Variants in SNTG1 observed in about 807,000 individuals in gnomAD.
SNTG1 encodes gamma-1-syntrophin.
A neutral mutation model predicts 74.7 loss-of-function variants in SNTG1; 39 were observed. That is an observed-to-expected ratio of 0.52 (90% CI 0.40 to 0.68). The LOEUF (loss-of-function observed/expected upper bound fraction) is 0.68, where lower values mean the gene tolerates loss of function less well. Among genes scored for constraint, SNTG1 ranks in the 30% least tolerant of loss-of-function variants. The pLI, the probability that SNTG1 is intolerant of heterozygous loss-of-function variation, is 0.00. For missense variants in SNTG1, 685 were observed against 609.5 expected (o/e 1.12, Z -1.30); for synonymous variants, 254 against 217.1 (o/e 1.17, Z -1.49).
chr8:50,701,824 TCCTC>T (rs1563762094), intron 15 of SNTG1, among the ~76,000 whole-genome samples: 40 of 148,240 alleles, frequency 2.7e-4, no homozygotes, highest in Middle Eastern at 3.4e-3. Flanking sequence ...CTTCTTCTCC[TCCTC>T]CTCCTCCTCC....
chr8:50,023,400 C>A (rs1347292454), intron 1 of SNTG1, among the ~76,000 whole-genome samples: 2 of 152,014 alleles, frequency 1.3e-5, no homozygotes, highest in Non-Finnish European at 1.5e-5. Context: ...TCAAGAAGGG[C>A]AGATTTATAA....
chr8:50,553,610 A>C (rs1339772268), intron 12 of SNTG1, among the ~76,000 whole-genome samples: 1 of 152,132 alleles, frequency 6.6e-6, no homozygotes, highest in Non-Finnish European at 1.5e-5. Context: ...CAGTCAGAAG[A>C]TTGCCATTGT....
At chr8:50,451,579 G>A (rs781486531) in intron 8 of SNTG1, among the ~76,000 whole-genome samples, 52 of 152,022 alleles carry the variant, frequency 3.4e-4, no homozygotes, top group Non-Finnish European at 6.5e-4. Context: ...CCAGTTTTTC[G>A]GCAGTATTTT....
chr8:50,732,836 A>G (rs1394332381), intron 17 of SNTG1, among the ~76,000 whole-genome samples: 1 of 152,012 alleles, frequency 6.6e-6, no homozygotes, highest in Non-Finnish European at 1.5e-5. Flanking sequence ...TTGATTTCTA[A>G]TGAGGTTGAA....
At chr8:50,585,448 C>T (rs2094641871) in intron 12 of SNTG1, among the ~76,000 whole-genome samples, 1 of 152,172 alleles carries the variant, frequency 6.6e-6, no homozygotes, top group Non-Finnish European at 1.5e-5. Context: ...CAAAATTATA[C>T]TCCCTTTTTA....
intron 1 of SNTG1, among the ~76,000 whole-genome samples, chr8:49,930,542 A>C (rs1021994272): frequency 6.6e-6 from 1 of 150,602 alleles, no homozygotes; most frequent in African/African-American, 2.4e-5. Context: ...GCATATGTAC[A>C]TATTATACAT....
chr8:50,769,407 C>G (rs911294061), intron 18 of SNTG1, among the ~76,000 whole-genome samples: 9 of 151,850 alleles, frequency 5.9e-5, no homozygotes, highest in Non-Finnish European at 2.9e-5. Context: ...AAGTTGAAGA[C>G]CTTCTGGAAG....
intron 2 of SNTG1, among the ~76,000 whole-genome samples, chr8:50,175,996 G>C (rs887299945): frequency 2.6e-5 from 4 of 152,082 alleles, no homozygotes; most frequent in African/African-American, 7.2e-5. Context: ...GTCACAACTG[G>C]GTACCTGCCC....
intron 2 of SNTG1, among the ~76,000 whole-genome samples, chr8:50,315,346 TA>T (rs2090275915): frequency 6.7e-6 from 1 of 150,032 alleles, no homozygotes; most frequent in Admixed American, 6.7e-5. Flanking sequence ...TAACTACTTT[TA>T]AATTTACTTC....
chr8:50,665,056 T>C (rs2095244030), intron 15 of SNTG1, among the ~76,000 whole-genome samples: 1 of 152,134 alleles, frequency 6.6e-6, no homozygotes, highest in African/African-American at 2.4e-5. Context: ...CATGATACTG[T>C]TTTTCAGCCT....
intron 2 of SNTG1, among the ~76,000 whole-genome samples, chr8:50,250,293 T>A (rs2086591110): frequency 6.6e-6 from 1 of 151,104 alleles, no homozygotes; most frequent in Non-Finnish European, 1.5e-5. Context: ...GAAAGAAGAA[T>A]GAAAAAGAAT....
intron 2 of SNTG1, among the ~76,000 whole-genome samples, chr8:50,329,395 G>T (rs968569754): frequency 6.6e-6 from 1 of 152,116 alleles, no homozygotes; most frequent in South Asian, 2.1e-4. Context: ...GCAGACTTCT[G>T]CCTGGACATC....
intron 2 of SNTG1, among the ~76,000 whole-genome samples, chr8:50,391,386 TA>T (rs1394097314): frequency 2.0e-5 from 3 of 152,190 alleles, no homozygotes; most frequent in African/African-American, 7.2e-5. Flanking sequence ...TTGATTTGTG[TA>T]TGTTGAACCA....
intron 17 of SNTG1, among the ~76,000 whole-genome samples, chr8:50,709,975 A>G (rs767028708): frequency 6.6e-6 from 1 of 152,190 alleles, no homozygotes; most frequent in African/African-American, 2.4e-5. Flanking sequence ...TAAAACAGTG[A>G]TACGAATGTG....
In SNTG1 at chr8:50,708,949, G is replaced by A; in HGVS notation, c.1255G>A (p.Gly419Arg). ...LMGLTIDFST[G>R]FICFDAATKA... ...GGGACTCACAATTGATTTCAGCACA[G>A]GATTTATCTGCTTTGATGCTGCAAC... The change falls in exon 17 of 19, where the codon GGA (glycine) becomes AGA (arginine). Residue 419 changes from glycine (G) to arginine (R), a missense_variant. Coordinates refer to ENST00000642720, the MANE Select transcript of SNTG1 (RefSeq NM_018967.5). 1 of 1,613,836 alleles carries A rather than the reference G, an allele frequency of 6.2e-7. No individual in the cohort carries two copies. Among genetic ancestry groups the A allele is most frequent in the South Asian group, 1.1e-5 (1 of 91,080 alleles).
intron 17 of SNTG1, among the ~76,000 whole-genome samples, chr8:50,727,277 T>G (rs1169464338): frequency 2.0e-5 from 3 of 152,110 alleles, no homozygotes; most frequent in African/African-American, 7.2e-5. Context: ...ATCCCTAAAA[T>G]AAATTAAAGA....
intron 2 of SNTG1, among the ~76,000 whole-genome samples, chr8:50,273,706 A>G (rs2130321244): frequency 6.6e-6 from 1 of 152,330 alleles, no homozygotes; most frequent in South Asian, 2.1e-4. Context: ...AAGAGGGTTA[A>G]CAATGGTGGT....
intron 2 of SNTG1, among the ~76,000 whole-genome samples, chr8:50,254,527 A>G (rs2086787454): frequency 6.6e-6 from 1 of 152,166 alleles, no homozygotes. Context: ...TGACAAGACT[A>G]AAAGATACTG....
At chr8:50,589,159 A>G (rs1396872110) in intron 12 of SNTG1, among the ~76,000 whole-genome samples, 1 of 152,188 alleles carries the variant, frequency 6.6e-6, no homozygotes, top group East Asian at 1.9e-4. Flanking sequence ...TAATAGTAGT[A>G]ATGTTATGTA....
Sources: gnomAD v4.1 joint callset for allele counts (sites outside exome capture counted in the v4.1 genomes callset) on GRCh38, gnomAD v4.1.1 for gene constraint, MANE v1.5 for transcripts, NCBI Gene and HGNC (gene_info 2026-07-23, HGNC 2026-07-21) for gene names.